CALM3: variants seen among roughly 807,000 people sequenced by gnomAD.
The protein encoded by CALM3 is calmodulin 3.
CALM3 carries 5 observed loss-of-function variants against 20.1 expected under a neutral mutation model. The ratio of observed to expected loss-of-function variants is 0.25; its 90% CI spans 0.13 to 0.52. CALM3 has a LOEUF of 0.52. Ranked by LOEUF, CALM3 falls within the 20% of genes least tolerant of loss-of-function variation. The pLI is 0.96. For synonymous variants in CALM3, 69 were observed against 68.1 expected, an observed-to-expected ratio of 1.01 and a Z score of -0.06; for missense variants, 57 against 192.8, an observed-to-expected ratio of 0.30 and a Z score of 4.17.
intron 1 of CALM3, chr19:46,602,028 C>T: frequency 1.2e-6 from 1 of 829,568 alleles, no homozygotes; most frequent in Admixed American, 3.5e-5. Context: ...ATGAGACTCC[C>T]GAGGGTGGGG....
intron 1 of CALM3, among the ~76,000 whole-genome samples, chr19:46,604,866 G>T (rs369830977): frequency 1.3e-5 from 2 of 152,248 alleles, no homozygotes; most frequent in African/African-American, 4.8e-5. Context: ...AAAGCTAAAT[G>T]TTGGGATTCA....
In CALM3 at chr19:46,601,790, G is replaced by A. The variant is rs1599752244; in HGVS notation, c.3+353G>A. On this transcript the variant is annotated intron_variant, in intron 1 of 5. Transcript: ENST00000291295. This position sits in a 1 kb window ranked among gnomAD's most constrained non-coding sequence, Gnocchi z 4.2. ...GGGCGTTGGGTTTCAGGATGGAGGT[G>A]TTTGGACCCCAGGGGACGAAATAAG... Among the ~76,000 whole-genome samples, 2 of 152,276 alleles carry A rather than the reference G, an allele frequency of 1.3e-5. No homozygotes were observed. The highest frequency in any genetic ancestry group is 3.9e-4 in the East Asian group (2 of 5,172).
Position 46,609,358 on chromosome 19 carries a change from A to C in CALM3, c.*205A>C, listed in dbSNP as rs1444187260. The C allele has an allele frequency of 2.6e-5, 16 of 618,518 alleles. 1 individual carries two copies. In the East Asian group the frequency reaches 4.4e-4, roughly 17 times the overall value. 38.3% of individuals were successfully genotyped at this position (618,518 alleles called of 1,614,324 possible). ...CCCTGAGTCTCTCTCCATGCCCCTC[A>C]TCTCTTCCTTTTGCCCTCGCCTCTT... is the stretch of plus-strand genomic sequence containing the variant. On this transcript the variant is annotated 3_prime_UTR_variant, in exon 6 of 6. Transcript: ENST00000291295.
rs1971625858 is a variant in CALM3 at position 46,601,864 on chromosome 19, G to A, written c.3+427G>A. ...TATTCGGGCCCTGATGAAGGCGTTT[G>A]GTCCTGAGAGGATGCGGGGAACGGG... On this transcript the variant is annotated intron_variant, in intron 1 of 5. Coordinates refer to ENST00000291295, the MANE Select transcript of CALM3 (RefSeq NM_005184.4). This position sits in a 1 kb window ranked among gnomAD's most constrained non-coding sequence, Gnocchi z 4.2. 6.6e-6 allele frequency among the ~76,000 whole-genome samples: 1 copy of A among 151,996 alleles called. No individual in the cohort carries two copies. Among genetic ancestry groups the A allele is most frequent in the South Asian group, 2.1e-4 (1 of 4,818 alleles).
Position 46,601,527 on chromosome 19 carries a change from G to T in CALM3, c.3+90G>T. ...CTGAGGGGGCGACAGAGCCCAGAGT[G>T]GGGGGCGTCCGGGCCCGGCGAGAGC... is the stretch of plus-strand genomic sequence containing the variant. On this transcript the variant is annotated intron_variant, in intron 1 of 5. Transcript: ENST00000291295. This position sits in a 1 kb window ranked among gnomAD's most constrained non-coding sequence, Gnocchi z 4.2. The T allele has an allele frequency of 4.9e-6, 6 of 1,226,318 alleles. No individual in the cohort carries two copies. In the South Asian group the frequency reaches 8.3e-5, roughly 17 times the overall value. 76.0% of individuals were successfully genotyped at this position (1,226,318 alleles called of 1,614,324 possible).
At chr19:46,602,081 G>A in intron 1 of CALM3, 1 of 1,305,442 alleles carries the variant, frequency 7.7e-7, no homozygotes, top group African/African-American at 1.5e-5. Flanking sequence ...CACTGCAGAG[G>A]AGGAGGAGGG....
At chr19:46,601,097 G>C, upstream of CALM3, 1 of 1,015,756 alleles carries the variant, frequency 9.8e-7, no homozygotes, top group Non-Finnish European at 1.4e-6. This position sits in a 1 kb window ranked among gnomAD's most constrained non-coding sequence, Gnocchi z 4.2. Flanking sequence ...GTAGTCCGGC[G>C]ACGGGAGCGA....
chr19:46,609,129 T>C lies in CALM3; in HGVS notation c.426T>C (p.Phe142=). 6.2e-7 allele frequency: 1 copy of C among 1,614,120 alleles called. No individual in the cohort carries two copies. The highest frequency in any genetic ancestry group is 1.3e-5 in the African/African-American group (1 of 75,026). ...TCTCTCTGCTTCACTCCACAGAGTTTGTACAGATGATGACTGCAAAGTGAA... is the reference window on the plus strand; with the variant it reads ...TCTCTCTGCTTCACTCCACAGAGTTCGTACAGATGATGACTGCAAAGTGAA... ...DGDGQVNYEE[F]VQMMTAK is the part of the protein sequence containing the mutation. The change falls in exon 6 of 6, where the codon TTT becomes TTC. Residue 142 remains phenylalanine (F), a synonymous_variant. Transcript: ENST00000291295.
Position 46,608,721 on chromosome 19 carries a change from G to A in CALM3, c.286-125G>A. 1 of 1,298,080 alleles carries A rather than the reference G, an allele frequency of 7.7e-7. No individual in the cohort carries two copies. The highest frequency in any genetic ancestry group is 1.1e-6 in the Non-Finnish European group (1 of 937,368). 80.4% of individuals were successfully genotyped at this position (1,298,080 alleles called of 1,614,324 possible). ...GCCAGCCTCATTGCCAACCTGCTCTGCCACCTCAGGCAGCCTCCCTCACTG... is the reference window on the plus strand; with the variant it reads ...GCCAGCCTCATTGCCAACCTGCTCTACCACCTCAGGCAGCCTCCCTCACTG... On this transcript the variant is annotated intron_variant, in intron 4 of 5. Coordinates refer to ENST00000291295, the MANE Select transcript of CALM3 (RefSeq NM_005184.4). The surrounding 1 kb of genome is among the most constrained non-coding windows in gnomAD (Gnocchi z 5.5).
At chr19:46,607,434 G>C (rs1466550356) in intron 2 of CALM3, among the ~76,000 whole-genome samples, 1 of 152,206 alleles carries the variant, frequency 6.6e-6, no homozygotes, top group Non-Finnish European at 1.5e-5. Flanking sequence ...AGGAGCACCA[G>C]GTGCCAAAAT....
intron 1 of CALM3, chr19:46,602,175 G>A: frequency 7.4e-7 from 1 of 1,352,464 alleles, no homozygotes; most frequent in South Asian, 1.2e-5. Flanking sequence ...CCGGGACGGA[G>A]AAGGATCAGG....
At chr19:46,602,162 C>A in intron 1 of CALM3, 1 of 1,347,310 alleles carries the variant, frequency 7.4e-7, no homozygotes, top group Non-Finnish European at 9.9e-7. Flanking sequence ...CTCTTGAAGG[C>A]TTCCGGGACG....
chr19:46,609,291 A>G lies in CALM3; in HGVS notation c.*138A>G. On this transcript the variant is annotated 3_prime_UTR_variant, in exon 6 of 6. Transcript: ENST00000291295. ...TGACTGAGAATCTGATAAAGCAACA[A>G]AAGATTTGTCCCAAGCTGCATGATT... 1 of 807,590 alleles carries G rather than the reference A, an allele frequency of 1.2e-6. No homozygotes were observed. The highest frequency in any genetic ancestry group is 1.6e-5 in the South Asian group (1 of 64,052). The allele number at this position is 807,590 out of a possible 1,614,324, so 50.0% of individuals were successfully genotyped here. A position where few individuals can be genotyped will look rare whatever the true frequency, so the allele number is the denominator to read the frequency against.
chr19:46,603,700 G>T (rs2069551915), intron 1 of CALM3, among the ~76,000 whole-genome samples: 1 of 152,224 alleles, frequency 6.6e-6, no homozygotes, highest in Admixed American at 6.5e-5. Flanking sequence ...TTCTTAGGCG[G>T]TCGGTTTTCT....
Position 46,601,525 on chromosome 19 carries a change from G to A in CALM3, c.3+88G>A. 8.1e-7 allele frequency: 1 copy of A among 1,232,164 alleles called. No homozygotes were observed. Among genetic ancestry groups the A allele is most frequent in the African/African-American group, 1.6e-5 (1 of 63,348 alleles). 76.3% of individuals were successfully genotyped at this position (1,232,164 alleles called of 1,614,324 possible). A position where few individuals can be genotyped will look rare whatever the true frequency, so the allele number is the denominator to read the frequency against. The stretch of plus-strand genomic sequence containing the variant: ...CCCTGAGGGGGCGACAGAGCCCAGA[G>A]TGGGGGGCGTCCGGGCCCGGCGAGA... On this transcript the variant is annotated intron_variant, in intron 1 of 5. Coordinates refer to ENST00000291295, the MANE Select transcript of CALM3 (RefSeq NM_005184.4). The surrounding 1 kb of genome is among the most constrained non-coding windows in gnomAD (Gnocchi z 4.2).
chr19:46,607,626 C>T (rs984103698), intron 2 of CALM3, among the ~76,000 whole-genome samples: 1 of 152,330 alleles, frequency 6.6e-6, no homozygotes, highest in South Asian at 2.1e-4. Context: ...CTGCCGACCA[C>T]CCCCACGCTC....
At chr19:46,607,016 A>G (rs1971756885) in intron 2 of CALM3, among the ~76,000 whole-genome samples, 1 of 152,144 alleles carries the variant, frequency 6.6e-6, no homozygotes, top group South Asian at 2.1e-4. Flanking sequence ...AACCCGCATC[A>G]CAGAGTCACC....
At position 46,608,684 on chromosome 19, in the gene CALM3, C is replaced by T; in HGVS notation, c.285+96C>T. On this transcript the variant is annotated intron_variant, in intron 4 of 5. Coordinates refer to ENST00000291295, the MANE Select transcript of CALM3 (RefSeq NM_005184.4). The surrounding 1 kb of genome is among the most constrained non-coding windows in gnomAD (Gnocchi z 5.5). ...CACGGAGCTACCACTTCCAGGAGGT[C>T]CGGGTCCCGGTGCCAGCCTCATTGC... is the stretch of plus-strand genomic sequence containing the variant. 1 of 1,282,532 alleles carries T rather than the reference C, an allele frequency of 7.8e-7. No individual in the cohort carries two copies. Among genetic ancestry groups the T allele is most frequent in the South Asian group, 1.3e-5 (1 of 77,702 alleles). The allele number at this position is 1,282,532 out of a possible 1,614,324, so 79.4% of individuals were successfully genotyped here.
chr19:46,603,613 T>C (rs2122222648), intron 1 of CALM3, among the ~76,000 whole-genome samples: 1 of 152,288 alleles, frequency 6.6e-6, no homozygotes, highest in Admixed American at 6.5e-5. Flanking sequence ...CTGAGTTATT[T>C]TGGAAACAGT....
Sources: allele counts gnomAD v4.1 joint callset (sites outside exome capture counted in the v4.1 genomes callset), GRCh38; gene constraint gnomAD v4.1.1; non-coding constraint Gnocchi (gnomAD v3.1); transcripts MANE v1.5; gene names NCBI Gene and HGNC (gene_info 2026-07-23, HGNC 2026-07-21).